IL2RA: variants seen among roughly 807,000 people sequenced by gnomAD.
IL2RA encodes the protein interleukin-2 receptor subunit alpha.
Under a neutral mutation model 37.8 loss-of-function variants are expected in IL2RA, and 24 were observed. The observed-to-expected ratio is 0.63, with a 90% CI of 0.46 to 0.89. The LOEUF is 0.89. Among genes scored for constraint, IL2RA ranks in the 40% least tolerant of loss-of-function variants. IL2RA has a pLI of 0.00. For missense variants in IL2RA, 319 were observed against 348.6 expected, an observed-to-expected ratio of 0.92 and a Z score of 0.68; for synonymous variants, 125 against 114.6, an observed-to-expected ratio of 1.09 and a Z score of -0.58.
intron 1 of IL2RA, 81 bp from the exon 2 acceptor site, chr10:6,026,106 C>T: frequency 7.2e-7 from 1 of 1,386,806 alleles, no homozygotes; most frequent in Non-Finnish European, 1.0e-6. Flanking sequence ...ATGACTTAAT[C>T]ACATATTTCT....
intron 1 of IL2RA, among the ~76,000 whole-genome samples, 176 bp downstream of exon 1, chr10:6,061,911 AC>A (rs1258302964): frequency 6.6e-6 from 1 of 152,214 alleles, no homozygotes; most frequent in Non-Finnish European, 1.5e-5. Context: ...CTCTTGACAG[AC>A]CAAGGAACAG....
Position 6,018,192 on chromosome 10 carries a change from G to A in IL2RA, c.728-73C>T. The A allele has an allele frequency of 6.6e-6, 8 of 1,210,396 alleles. No homozygotes were observed. The highest frequency in any genetic ancestry group is 9.8e-6 in the Non-Finnish European group (8 of 819,100). The allele number at this position is 1,210,396 out of a possible 1,614,324, so 75.0% of individuals were successfully genotyped here. A position where few individuals can be genotyped will look rare whatever the true frequency, so the allele number is the denominator to read the frequency against. The stretch of plus-strand genomic sequence containing the variant: ...GGGGGCAGCAGGAGCCAGGGCCACA[G>A]GGCAGGCTGAGGACATCCCCAAAGA... On this transcript the variant is annotated intron_variant, in intron 6 of 7. Coordinates refer to ENST00000379959, the MANE Select transcript of IL2RA (RefSeq NM_000417.3). The surrounding 1 kb of genome is among the most constrained non-coding windows in gnomAD (Gnocchi z 5.1).
In IL2RA at chr10:6,015,316, C is replaced by G. The variant is rs1177958201; in HGVS notation, c.795-2420G>C. Among the ~76,000 whole-genome samples the G allele has an allele frequency of 6.6e-6, 1 of 152,154 alleles. No individual in the cohort carries two copies. The highest frequency in any genetic ancestry group is 1.5e-5 in the Non-Finnish European group (1 of 68,030). On this transcript the variant is annotated intron_variant, in intron 7 of 7. Coordinates refer to ENST00000379959, the MANE Select transcript of IL2RA (RefSeq NM_000417.3). The surrounding 1 kb of genome is among the most constrained non-coding windows in gnomAD (Gnocchi z 4.9). ...CCATGTTGGCCAGGCTGGTCTCAAA[C>G]TCCTGACCTCAAGTAATCCGCCTGC... is the stretch of plus-strand genomic sequence containing the variant.
In IL2RA at chr10:6,056,563, G is replaced by A. The variant is rs547667284; in HGVS notation, c.64+5525C>T. ...GGCTCGGAGTTCAAGACCAGCCTACGCAACATAGCAAAAACCCCCTCTCTA... is the reference window on the plus strand; with the variant it reads ...GGCTCGGAGTTCAAGACCAGCCTACACAACATAGCAAAAACCCCCTCTCTA... On this transcript the variant is annotated intron_variant, in intron 1 of 7. Transcript: ENST00000379959. The surrounding 1 kb of genome is among the most constrained non-coding windows in gnomAD (Gnocchi z 5.0). Among the ~76,000 whole-genome samples, 2 of 152,034 alleles carry A rather than the reference G, an allele frequency of 1.3e-5. No homozygotes were observed. The highest frequency in any genetic ancestry group is 2.9e-5 in the Non-Finnish European group (2 of 68,004).
Position 6,046,773 on chromosome 10 carries a change from T to C in IL2RA, c.64+15315A>G, listed in dbSNP as rs528090414. 1.3e-5 allele frequency among the ~76,000 whole-genome samples: 2 copies of C among 152,344 alleles called. No homozygotes were observed. Among genetic ancestry groups the C allele is most frequent in the East Asian group, 1.9e-4 (1 of 5,186 alleles). ...TCAACACACAACATTTGATCTCTGATAGTTTCAGTGGGTGGGTTCTATTCT... is the reference window on the plus strand; with the variant it reads ...TCAACACACAACATTTGATCTCTGACAGTTTCAGTGGGTGGGTTCTATTCT... On this transcript the variant is annotated intron_variant, in intron 1 of 7. Coordinates refer to ENST00000379959, the MANE Select transcript of IL2RA (RefSeq NM_000417.3). The surrounding 1 kb of genome is among the most constrained non-coding windows in gnomAD (Gnocchi z 4.8).
intron 1 of IL2RA, among the ~76,000 whole-genome samples, chr10:6,050,992 C>T (rs1015389602): frequency 2.0e-5 from 3 of 151,818 alleles, no homozygotes; most frequent in African/African-American, 4.8e-5. Context: ...GTGGTCTCAG[C>T]GCCACCTGGG....
rs1839692625 is a variant in IL2RA, at chr10:6,036,897, C to A, written c.65-10872G>T. ...TGTTCGCAGCAGCGTGTGTGCAGAGCCCCCGGGATCTTGCAGACTGGGATT... is the reference window on the plus strand; with the variant it reads ...TGTTCGCAGCAGCGTGTGTGCAGAGACCCCGGGATCTTGCAGACTGGGATT... On this transcript the variant is annotated intron_variant, in intron 1 of 7. Transcript: ENST00000379959. The surrounding 1 kb of genome is among the most constrained non-coding windows in gnomAD (Gnocchi z 6.1). Among the ~76,000 whole-genome samples the A allele has an allele frequency of 6.6e-6, 1 of 152,150 alleles. No homozygotes were observed. The highest frequency in any genetic ancestry group is 2.4e-5 in the African/African-American group (1 of 41,434).
At position 6,031,470 on chromosome 10, in the gene IL2RA, A is replaced by G. The variant is rs867594543; in HGVS notation, c.65-5445T>C. Among the ~76,000 whole-genome samples the G allele has an allele frequency of 1.0e-3, 26 of 25,394 alleles. 1 individual carries two copies. The highest frequency in any genetic ancestry group is 1.5e-3 in the Non-Finnish European group (20 of 13,248). 16.7% of individuals were successfully genotyped at this position (25,394 alleles called of 152,430 possible). On this transcript the variant is annotated intron_variant, in intron 1 of 7. Coordinates refer to ENST00000379959, the MANE Select transcript of IL2RA (RefSeq NM_000417.3). ...TATATATATACATATATATATATATATATATATATATATATATATATATGT... is the reference window on the plus strand; with the variant it reads ...TATATATATACATATATATATATATGTATATATATATATATATATATATGT...
rs1280529172 is a variant in IL2RA, at chr10:6,054,870, T to A, written c.64+7218A>T. Among the ~76,000 whole-genome samples, 1 of 151,680 alleles carries A rather than the reference T, an allele frequency of 6.6e-6. No homozygotes were observed. The highest frequency in any genetic ancestry group is 1.5e-5 in the Non-Finnish European group (1 of 67,888). On this transcript the variant is annotated intron_variant, in intron 1 of 7. Transcript: ENST00000379959. This position sits in a 1 kb window ranked among gnomAD's most constrained non-coding sequence, Gnocchi z 4.5. ...CCAGATTGGTTTTCCCTTTTTCTAA[T>A]TTTTTTTTAAGAGGCAGAGTCTCAC...
Position 6,018,754 on chromosome 10 carries a change from C to T in IL2RA, c.728-635G>A, listed in dbSNP as rs372484011. On this transcript the variant is annotated intron_variant, in intron 6 of 7. Coordinates refer to ENST00000379959, the MANE Select transcript of IL2RA (RefSeq NM_000417.3). This position sits in a 1 kb window ranked among gnomAD's most constrained non-coding sequence, Gnocchi z 5.1. ...CACAGCATCCTGTAACTGGTTCATG[C>T]GAATTCTGAGTTACGTCAGTATCTG... Among the ~76,000 whole-genome samples the T allele has an allele frequency of 2.2e-4, 33 of 152,132 alleles. No individual in the cohort carries two copies. The highest frequency in any genetic ancestry group is 5.6e-4 in the African/African-American group (23 of 41,426).
rs2132912286 is a variant in IL2RA, at chr10:6,062,279, G to A, written c.-128C>T. On this transcript the variant is annotated 5_prime_UTR_variant, in exon 1 of 8. Transcript: ENST00000379959. Reference sequence around the variant, plus strand: ...GGGATGGGAAGATCGGTCCGCCTGGGCTGTCACCCTTGTGGGTCCATCCAG... The same window carrying A: ...GGGATGGGAAGATCGGTCCGCCTGGACTGTCACCCTTGTGGGTCCATCCAG... 1 of 765,880 alleles carries A rather than the reference G, an allele frequency of 1.3e-6. No individual in the cohort carries two copies. Among genetic ancestry groups the A allele is most frequent in the South Asian group, 1.5e-5 (1 of 65,858 alleles). 47.4% of individuals were successfully genotyped at this position (765,880 alleles called of 1,614,324 possible).
rs1041396346 is a variant in IL2RA, at chr10:6,048,362, G to A, written c.64+13726C>T. Among the ~76,000 whole-genome samples, 1 of 152,214 alleles carries A rather than the reference G, an allele frequency of 6.6e-6. No individual in the cohort carries two copies. The highest frequency in any genetic ancestry group is 1.5e-5 in the Non-Finnish European group (1 of 68,022). On this transcript the variant is annotated intron_variant, in intron 1 of 7. Coordinates refer to ENST00000379959, the MANE Select transcript of IL2RA (RefSeq NM_000417.3). This position sits in a 1 kb window ranked among gnomAD's most constrained non-coding sequence, Gnocchi z 5.3. The stretch of plus-strand genomic sequence containing the variant: ...GGATGGGGTGCCATTCATTGAGATA[G>A]CAAAGAGAGGAGAAAGAGTAGGTTC...
chr10:6,034,078 G>A (rs1416597522), intron 1 of IL2RA, among the ~76,000 whole-genome samples: 3 of 152,182 alleles, frequency 2.0e-5, no homozygotes, highest in African/African-American at 7.2e-5. Flanking sequence ...AAGCTATTTT[G>A]TGCCCTTAGA....
At position 6,015,268 on chromosome 10, in the gene IL2RA, T is replaced by C. The variant is rs11256342; in HGVS notation, c.795-2372A>G. ...CCATGACAGCCAGCTAATTTTTGTA[T>C]TTTTAGAAGAGACAGGGTTTCTCCA... On this transcript the variant is annotated intron_variant, in intron 7 of 7. Coordinates refer to ENST00000379959, the MANE Select transcript of IL2RA (RefSeq NM_000417.3). The surrounding 1 kb of genome is among the most constrained non-coding windows in gnomAD (Gnocchi z 4.9). Among the ~76,000 whole-genome samples the C allele has an allele frequency of 1.3e-5, 2 of 151,720 alleles. No homozygotes were observed. Among genetic ancestry groups the C allele is most frequent in the Non-Finnish European group, 2.9e-5 (2 of 67,910 alleles).
chr10:6,016,107 T>A (rs1408671124), intron 7 of IL2RA, among the ~76,000 whole-genome samples: 1 of 152,166 alleles, frequency 6.6e-6, no homozygotes, highest in African/African-American at 2.4e-5. Context: ...AATCCAGCAA[T>A]GTTGACAGGT....
chr10:6,015,461 A>G lies in IL2RA; in HGVS notation c.795-2565T>C, dbSNP rs982987873. On this transcript the variant is annotated intron_variant, in intron 7 of 7. Transcript: ENST00000379959. The surrounding 1 kb of genome is among the most constrained non-coding windows in gnomAD (Gnocchi z 4.9). Reference sequence around the variant, plus strand: ...TGCTCCCTGGAACGGCAGCGTCAGTATCACCTGGGAACCTGATAGAAATAC... The same window carrying G: ...TGCTCCCTGGAACGGCAGCGTCAGTGTCACCTGGGAACCTGATAGAAATAC... Among the ~76,000 whole-genome samples the G allele has an allele frequency of 1.3e-5, 2 of 152,172 alleles. No individual in the cohort carries two copies. The highest frequency in any genetic ancestry group is 4.8e-5 in the African/African-American group (2 of 41,436).
Position 6,058,400 on chromosome 10 carries a change from G to A in IL2RA, c.64+3688C>T, listed in dbSNP as rs1725178802. Among the ~76,000 whole-genome samples the A allele has an allele frequency of 6.6e-6, 1 of 152,144 alleles. No individual in the cohort carries two copies. Among genetic ancestry groups the A allele is most frequent in the African/African-American group, 2.4e-5 (1 of 41,438 alleles). ...TGATTTATCAAACTGCCTATTTAAGGCATGCTGTTTTAAGGAAAGTAGCAA... is the reference window on the plus strand; with the variant it reads ...TGATTTATCAAACTGCCTATTTAAGACATGCTGTTTTAAGGAAAGTAGCAA... On this transcript the variant is annotated intron_variant, in intron 1 of 7. Coordinates refer to ENST00000379959, the MANE Select transcript of IL2RA (RefSeq NM_000417.3). The surrounding 1 kb of genome is among the most constrained non-coding windows in gnomAD (Gnocchi z 4.2).
At chr10:6,061,460 T>C (rs1020426327) in intron 1 of IL2RA, among the ~76,000 whole-genome samples, 7 of 152,188 alleles carry the variant, frequency 4.6e-5, no homozygotes, top group African/African-American at 1.7e-4. Context: ...CGTATACATA[T>C]ACATATCATG....
Position 6,015,958 on chromosome 10 carries a change from G to A in IL2RA, c.794+2095C>T, listed in dbSNP as rs997506881. Among the ~76,000 whole-genome samples the A allele has an allele frequency of 4.6e-5, 7 of 152,212 alleles. No homozygotes were observed. Among genetic ancestry groups the A allele is most frequent in the African/African-American group, 1.2e-4 (5 of 41,446 alleles). ...GCTGGGGAGAATGGGGAACTTGGCA[G>A]TGTGGGGCTTCTCTTGGGAATGATG... is the stretch of plus-strand genomic sequence containing the variant. On this transcript the variant is annotated intron_variant, in intron 7 of 7. Coordinates refer to ENST00000379959, the MANE Select transcript of IL2RA (RefSeq NM_000417.3). The surrounding 1 kb of genome is among the most constrained non-coding windows in gnomAD (Gnocchi z 4.9).
Sources: gnomAD v4.1 joint callset for allele counts (sites outside exome capture counted in the v4.1 genomes callset) on GRCh38, gnomAD v4.1.1 for gene constraint, Gnocchi (gnomAD v3.1) non-coding constraint, MANE v1.5 for transcripts, NCBI Gene and HGNC (gene_info 2026-07-23, HGNC 2026-07-21) for gene names.